Variants in CHRDL1 observed in about 807,000 individuals in gnomAD.
The protein encoded by CHRDL1 is chordin like 1.
CHRDL1 carries 19 observed loss-of-function variants against 40.9 expected under a neutral mutation model. The ratio of observed to expected loss-of-function variants is 0.46; its 90% CI spans 0.32 to 0.68. CHRDL1 has a LOEUF of 0.68. CHRDL1 is among the 30% of genes least tolerant of loss of function. CHRDL1 has a pLI of 0.03. For missense variants in CHRDL1, 329 were observed against 352.1 expected, an observed-to-expected ratio of 0.93 and a Z score of 0.53; for synonymous variants, 136 against 123.4, an observed-to-expected ratio of 1.10 and a Z score of -0.68.
intron 1 of CHRDL1, among the ~76,000 whole-genome samples, chrX:110,795,232 C>A (rs2090161622): frequency 9.0e-6 from 1 of 111,379 alleles, no homozygotes; most frequent in Non-Finnish European, 1.9e-5. Context: ...TGGCAATATA[C>A]CACGTTGCTT....
chrX:110,775,539 C>T (rs976967372), intron 2 of CHRDL1, among the ~76,000 whole-genome samples: 1 of 111,120 alleles, frequency 9.0e-6, no homozygotes, highest in Non-Finnish European at 1.9e-5. Flanking sequence ...TTATATGTAT[C>T]TCATAACATC....
chrX:110,788,908 T>C (rs909868535), intron 2 of CHRDL1, among the ~76,000 whole-genome samples: 1 of 111,138 alleles, frequency 9.0e-6, no homozygotes, highest in Non-Finnish European at 1.9e-5. Flanking sequence ...GGGTAAAACA[T>C]AAAATTATGG....
chrX:110,776,676 C>T (rs1602413789), intron 2 of CHRDL1, among the ~76,000 whole-genome samples: 1 of 110,177 alleles, frequency 9.1e-6, no homozygotes, highest in South Asian at 3.8e-4. Context: ...TAAATTAATA[C>T]TTAATTTTTT....
chrX:110,788,264 C>G (rs759282818), intron 2 of CHRDL1, among the ~76,000 whole-genome samples: 1 of 112,197 alleles, frequency 8.9e-6, no homozygotes, highest in South Asian at 3.7e-4. Context: ...GTAACTATGG[C>G]TAATTAGCTA....
At chrX:110,737,064 T>C (rs1241360703) in intron 4 of CHRDL1, among the ~76,000 whole-genome samples, 2 of 112,141 alleles carry the variant, frequency 1.8e-5, no homozygotes, top group Non-Finnish European at 3.8e-5. Flanking sequence ...TTTCTGACAC[T>C]GTAATGGCTT....
At chrX:110,692,931 T>C (rs771610935) in intron 8 of CHRDL1, among the ~76,000 whole-genome samples, 1 of 112,640 alleles carries the variant, frequency 8.9e-6, no homozygotes, top group South Asian at 3.7e-4. Flanking sequence ...TTTTCACCCA[T>C]GTTATTCAAT....
At chrX:110,735,599 G>T (rs759269266) in intron 4 of CHRDL1, among the ~76,000 whole-genome samples, 2 of 112,115 alleles carry the variant, frequency 1.8e-5, no homozygotes, top group Admixed American at 1.9e-4. Flanking sequence ...AGCATCTCCA[G>T]TATCTTTTCT....
At chrX:110,758,867 AGGGAAATG>A (rs1241882893) in intron 4 of CHRDL1, among the ~76,000 whole-genome samples, 2 of 112,062 alleles carry the variant, frequency 1.8e-5, no homozygotes, top group Non-Finnish European at 3.8e-5. Flanking sequence ...TCTACCCTAA[AGGGAAATG>A]GAATCAACTT....
intron 4 of CHRDL1, among the ~76,000 whole-genome samples, chrX:110,746,435 T>C (rs2089254465): frequency 9.0e-6 from 1 of 111,682 alleles, no homozygotes; most frequent in Non-Finnish European, 1.9e-5. Flanking sequence ...GATTTTTACC[T>C]TGTCTCTGAG....
chrX:110,739,237 A>T (rs1249474687), intron 4 of CHRDL1, among the ~76,000 whole-genome samples: 1 of 111,765 alleles, frequency 8.9e-6, no homozygotes, highest in Non-Finnish European at 1.9e-5. Context: ...AACCCTTCCT[A>T]CAAAAAATCA....
chrX:110,783,332 C>T (rs1402407133), intron 2 of CHRDL1, among the ~76,000 whole-genome samples: 2 of 111,667 alleles, frequency 1.8e-5, no homozygotes, highest in Non-Finnish European at 3.8e-5. Context: ...AGTGCTGGAA[C>T]ACCATAATTT....
chrX:110,733,277 A>G (rs1228401553), intron 4 of CHRDL1, among the ~76,000 whole-genome samples: 1 of 111,411 alleles, frequency 9.0e-6, no homozygotes, highest in East Asian at 2.8e-4. Flanking sequence ...ACACCACAGC[A>G]TGGCCCAGCC....
At chrX:110,704,937 G>T (rs1016491933) in intron 6 of CHRDL1, among the ~76,000 whole-genome samples, 5 of 111,365 alleles carry the variant, frequency 4.5e-5, no homozygotes, top group Admixed American at 2.9e-4. Context: ...TAGATTTAAT[G>T]ATTGGTATTG....
intron 4 of CHRDL1, among the ~76,000 whole-genome samples, chrX:110,738,512 G>C (rs1179333557): frequency 1.8e-5 from 2 of 110,764 alleles, no homozygotes; most frequent in Non-Finnish European, 3.8e-5. Flanking sequence ...GGAGGCTGAG[G>C]CGGGTGGATC....
At chrX:110,751,237 T>C (rs1410788543) in intron 4 of CHRDL1, among the ~76,000 whole-genome samples, 1 of 111,832 alleles carries the variant, frequency 8.9e-6, no homozygotes, top group Non-Finnish European at 1.9e-5. Flanking sequence ...GGTCTTGTGC[T>C]AAAATTGCCT....
At chrX:110,762,549 T>C (rs2089584439) in intron 3 of CHRDL1, 146 bp downstream of exon 3, 1 of 411,003 alleles carries the variant, frequency 2.4e-6, no homozygotes, top group Non-Finnish European at 4.2e-6. Flanking sequence ...AGTGCTGGGA[T>C]TATAGGCGTG....
chrX:110,754,974 T>A (rs971898347), intron 4 of CHRDL1, among the ~76,000 whole-genome samples: 12 of 109,960 alleles, frequency 1.1e-4, no homozygotes, highest in Non-Finnish European at 1.9e-4. Flanking sequence ...AATATATATA[T>A]TATGAAATAT....
intron 2 of CHRDL1, among the ~76,000 whole-genome samples, chrX:110,775,380 T>C (rs1183543631): frequency 1.8e-5 from 2 of 111,574 alleles, no homozygotes; most frequent in Non-Finnish European, 3.8e-5. Flanking sequence ...TTGGTCACAA[T>C]TGAGGAATCT....
At chrX:110,767,087 A>T (rs1405780009) in intron 2 of CHRDL1, among the ~76,000 whole-genome samples, 12 of 112,358 alleles carry the variant, frequency 1.1e-4, no homozygotes, top group Non-Finnish European at 1.9e-5. Flanking sequence ...TAAAAACAAA[A>T]ATCACATGAT....
Sources: allele counts gnomAD v4.1 joint callset (sites outside exome capture counted in the v4.1 genomes callset), GRCh38; gene constraint gnomAD v4.1.1; transcripts MANE v1.5; gene names NCBI Gene and HGNC (gene_info 2026-07-23, HGNC 2026-07-21).